Variants in GPC6 observed in about 807,000 individuals in gnomAD.
GPC6 encodes the protein glypican-6.
In GPC6, 14 loss-of-function variants were observed where a neutral mutation model predicts 55.2. The ratio of observed to expected loss-of-function variants is 0.25; its 90% CI spans 0.17 to 0.40. The LOEUF (loss-of-function observed/expected upper bound fraction) is 0.40, where lower values mean the gene tolerates loss of function less well. Among genes scored for constraint, GPC6 ranks in the 10% least tolerant of loss-of-function variants. The probability of loss-of-function intolerance (pLI) is 1.00; values close to 1 mark genes in which losing one functional copy is unlikely to be tolerated. For missense variants in GPC6, 641 were observed against 708.5 expected (o/e 0.90, Z 1.08); for synonymous variants, 278 against 259.6 (o/e 1.07, Z -0.68).
chr13:93,896,852 C>CA (rs1160342847), intron 3 of GPC6, among the ~76,000 whole-genome samples: 3 of 151,768 alleles, frequency 2.0e-5, no homozygotes, highest in Non-Finnish European at 4.4e-5. Flanking sequence ...CCAAGAGAAA[C>CA]AAAATAAAAA....
At chr13:93,475,717 A>G (rs576000490) in intron 1 of GPC6, among the ~76,000 whole-genome samples, 46 of 152,342 alleles carry the variant, frequency 3.0e-4, no homozygotes, top group Admixed American at 2.3e-3. Context: ...TAAAAAGCAG[A>G]TAATATAAAA....
At position 94,242,050 on chromosome 13, in the gene GPC6, TA is replaced by T. The variant is rs899934187; in HGVS notation, c.878-44297del. Among the ~76,000 whole-genome samples the T allele has an allele frequency of 6.2e-4, 94 of 152,184 alleles. 1 individual carries two copies. The highest frequency in any genetic ancestry group is 2.0e-3 in the African/African-American group (83 of 41,550). On this transcript the variant is annotated intron_variant, in intron 4 of 8. Transcript: ENST00000377047. The stretch of plus-strand genomic sequence containing the variant: ...CGTCATTTACATTAGGTATATCTCC[TA>T]ATGCTATCCCTCCCCACTCCCCCCA...
chr13:94,326,168 T>G (rs1252900718), intron 6 of GPC6, among the ~76,000 whole-genome samples: 1 of 151,922 alleles, frequency 6.6e-6, no homozygotes, highest in Non-Finnish European at 1.5e-5. Flanking sequence ...TATTTATATT[T>G]TCTTCCACTA....
intron 2 of GPC6, among the ~76,000 whole-genome samples, chr13:93,636,525 G>A (rs149636535): frequency 2.4e-4 from 36 of 152,290 alleles, no homozygotes; most frequent in African/African-American, 7.7e-4. Context: ...ACACTGCGTT[G>A]ACATTGGACT....
chr13:93,767,939 A>T (rs752967413), intron 2 of GPC6, among the ~76,000 whole-genome samples: 1 of 151,904 alleles, frequency 6.6e-6, no homozygotes, highest in Non-Finnish European at 1.5e-5. Flanking sequence ...CCCCTCACTG[A>T]TTTGGTTTCT....
intron 1 of GPC6, among the ~76,000 whole-genome samples, chr13:93,456,610 G>T (rs1264921624): frequency 6.6e-6 from 1 of 151,968 alleles, no homozygotes. Context: ...AGAAATTATA[G>T]TCTCACAGTT....
chr13:93,892,038 G>A (rs1182313466), intron 3 of GPC6, among the ~76,000 whole-genome samples: 3 of 151,780 alleles, frequency 2.0e-5, no homozygotes, highest in Admixed American at 6.6e-5. Flanking sequence ...TCATATACAC[G>A]TGCACACACA....
intron 4 of GPC6, among the ~76,000 whole-genome samples, chr13:94,108,882 A>G (rs1886147646): frequency 6.6e-6 from 1 of 152,018 alleles, no homozygotes; most frequent in African/African-American, 2.4e-5. Flanking sequence ...TTAATAATTT[A>G]AAAGATTCAT....
intron 4 of GPC6, among the ~76,000 whole-genome samples, chr13:94,080,564 T>C (rs1229520804): frequency 6.6e-6 from 1 of 152,192 alleles, no homozygotes; most frequent in Non-Finnish European, 1.5e-5. Flanking sequence ...TGGGCAACTA[T>C]AAAAAATGTC....
chr13:93,404,698 T>C (rs1876220596), intron 1 of GPC6, among the ~76,000 whole-genome samples: 1 of 152,158 alleles, frequency 6.6e-6, no homozygotes, highest in South Asian at 2.1e-4. Context: ...TTTTGTCAAA[T>C]TGTCTTTCTT....
intron 2 of GPC6, among the ~76,000 whole-genome samples, chr13:93,785,763 A>G (rs959961590): frequency 1.3e-5 from 2 of 152,050 alleles, no homozygotes; most frequent in Non-Finnish European, 2.9e-5. Flanking sequence ...GAGTTCAAGA[A>G]CAGCCTGGGC....
chr13:93,563,478 A>G (rs575796865), intron 2 of GPC6, among the ~76,000 whole-genome samples: 5 of 151,308 alleles, frequency 3.3e-5, no homozygotes, highest in South Asian at 4.2e-4. Context: ...AGGGGGTGGG[A>G]AAAACAAACA....
At position 93,956,447 on chromosome 13, in the gene GPC6, C is replaced by A. The variant is rs78789189; in HGVS notation, c.712-71282C>A. 2.7e-3 allele frequency among the ~76,000 whole-genome samples: 413 copies of A among 152,206 alleles called. 2 individuals are homozygous for A. Among genetic ancestry groups the A allele is most frequent in the African/African-American group, 9.7e-3 (401 of 41,546 alleles). Reference sequence around the variant, plus strand: ...AGTTAAAACTACTCAGACTGTGTTACCACAGAAATTCACATTAAATACAAA... The same window carrying A: ...AGTTAAAACTACTCAGACTGTGTTAACACAGAAATTCACATTAAATACAAA... On this transcript the variant is annotated intron_variant, in intron 3 of 8. Transcript: ENST00000377047.
chr13:93,319,350 GA>G (rs1175157071), intron 1 of GPC6, among the ~76,000 whole-genome samples: 1 of 152,042 alleles, frequency 6.6e-6, no homozygotes, highest in East Asian at 1.9e-4. Context: ...ACAAGAAGGG[GA>G]AAAACCCACT....
chr13:94,217,681 AAGC>A (rs1890263914), intron 4 of GPC6, among the ~76,000 whole-genome samples: 3 of 152,204 alleles, frequency 2.0e-5, no homozygotes, highest in Non-Finnish European at 2.9e-5. Flanking sequence ...TAACAGAACA[AAGC>A]ATGTCTACTG....
rs140129642 is a variant in GPC6, at chr13:93,569,243, C to G, written c.319+23822C>G. Among the ~76,000 whole-genome samples the G allele has an allele frequency of 1.1e-4, 17 of 152,166 alleles. 1 individual carries two copies. In the East Asian group the frequency reaches 3.1e-3, roughly 28 times the overall value. On this transcript the variant is annotated intron_variant, in intron 2 of 8. Transcript: ENST00000377047. ...GTGGGATCATTAATGGACTAGAACA[C>G]TAGTCAACAATAAAAAAGAGGGTTA...
At chr13:93,903,768 C>T (rs1453231597) in intron 3 of GPC6, among the ~76,000 whole-genome samples, 2 of 151,908 alleles carry the variant, frequency 1.3e-5, no homozygotes, top group African/African-American at 2.4e-5. Context: ...TTCTGTATGC[C>T]GTCTAGTCTC....
chr13:93,946,236 T>A (rs1258449806), intron 3 of GPC6, among the ~76,000 whole-genome samples: 1 of 152,144 alleles, frequency 6.6e-6, no homozygotes, highest in Non-Finnish European at 1.5e-5. Context: ...ACAGACAACC[T>A]CAAAAACATA....
At chr13:93,687,634 G>T (rs771098680) in intron 2 of GPC6, among the ~76,000 whole-genome samples, 2 of 152,004 alleles carry the variant, frequency 1.3e-5, no homozygotes, top group Non-Finnish European at 2.9e-5. Flanking sequence ...AAGATATTTT[G>T]TAAGGCTTAA....
Sources: gnomAD v4.1 joint callset for allele counts (sites outside exome capture counted in the v4.1 genomes callset) on GRCh38, gnomAD v4.1.1 for gene constraint, MANE v1.5 for transcripts, NCBI Gene and HGNC (gene_info 2026-07-23, HGNC 2026-07-21) for gene names.